Variants in PCDH15 observed in about 807,000 individuals in gnomAD.
PCDH15 encodes protocadherin-15.
PCDH15 carries 129 observed loss-of-function variants against 178.5 expected under a neutral mutation model. The observed-to-expected ratio is 0.72, with a 90% confidence interval of 0.63 to 0.84. The LOEUF (loss-of-function observed/expected upper bound fraction) is 0.84, where lower values mean the gene tolerates loss of function less well. Among genes scored for constraint, PCDH15 ranks in the 40% least tolerant of loss-of-function variants. The pLI is 0.00. For missense variants in PCDH15, 2,230 were observed against 2,099.9 expected (o/e 1.06, Z -1.21); for synonymous variants, 800 against 732.0 (o/e 1.09, Z -1.50).
intron 2 of PCDH15, among the ~76,000 whole-genome samples, chr10:55,064,712 A>G (rs1055216995): frequency 1.3e-5 from 2 of 152,110 alleles, no homozygotes; most frequent in Admixed American, 6.6e-5. Flanking sequence ...AGCATAATGT[A>G]GTTACGAGTT....
chr10:54,318,204 G>A (rs539510033), intron 7 of PCDH15, among the ~76,000 whole-genome samples: 3 of 152,278 alleles, frequency 2.0e-5, no homozygotes, highest in East Asian at 3.9e-4. Context: ...AGTTTCTGTG[G>A]GAGGTTAGGA....
At chr10:54,477,003 A>G (rs571053471) in intron 3 of PCDH15, among the ~76,000 whole-genome samples, 1 of 152,060 alleles carries the variant, frequency 6.6e-6, no homozygotes, top group South Asian at 2.1e-4. Flanking sequence ...CCTCCAGCCT[A>G]TCTTGTTTAA....
chr10:55,134,193 C>T (rs568391257), intron 2 of PCDH15, among the ~76,000 whole-genome samples: 1 of 152,064 alleles, frequency 6.6e-6, no homozygotes, highest in Non-Finnish European at 1.5e-5. Flanking sequence ...ATAGGGGGAG[C>T]CTTGCTATTC....
chr10:54,692,557 C>T (rs1269202230), intron 1 of PCDH15, among the ~76,000 whole-genome samples: 3 of 152,190 alleles, frequency 2.0e-5, no homozygotes. Flanking sequence ...CCTGGGACAT[C>T]TCATGCATAG....
chr10:54,768,563 C>G (rs919731937), intron 1 of PCDH15, among the ~76,000 whole-genome samples: 2 of 151,896 alleles, frequency 1.3e-5, no homozygotes, highest in African/African-American at 4.8e-5. Context: ...AAGAAGTAAG[C>G]GAGACTTAAG....
intron 3 of PCDH15, among the ~76,000 whole-genome samples, chr10:54,854,305 A>T (rs1019380181): frequency 4.0e-5 from 6 of 151,728 alleles, no homozygotes; most frequent in Non-Finnish European, 8.8e-5. Flanking sequence ...GAGGGCTGCA[A>T]CTCTTCTTTC....
chr10:54,689,069 C>T (rs955075840), intron 1 of PCDH15, among the ~76,000 whole-genome samples: 6 of 151,952 alleles, frequency 3.9e-5, no homozygotes, highest in African/African-American at 7.2e-5. Context: ...TTCTCAGTAA[C>T]GTTTCCAAAA....
At chr10:54,618,873 C>T (rs773866938) in intron 2 of PCDH15, among the ~76,000 whole-genome samples, 9 of 151,666 alleles carry the variant, frequency 5.9e-5, no homozygotes, top group South Asian at 2.1e-4. Context: ...ATAGAGACAA[C>T]GGCAGCATGT....
At chr10:54,831,157 T>C (rs967509893) in intron 3 of PCDH15, among the ~76,000 whole-genome samples, 2 of 152,042 alleles carry the variant, frequency 1.3e-5, no homozygotes, top group African/African-American at 4.8e-5. Flanking sequence ...TTCCTGAAAA[T>C]AGAGATTTGG....
At chr10:53,834,619 G>T (rs1049327068) in intron 29 of PCDH15, among the ~76,000 whole-genome samples, 2 of 151,908 alleles carry the variant, frequency 1.3e-5, no homozygotes, top group South Asian at 4.2e-4. Flanking sequence ...CCCTTCCCAG[G>T]ATGTAGCCAA....
intron 26 of PCDH15, among the ~76,000 whole-genome samples, chr10:53,901,657 C>T (rs1206687702): frequency 6.6e-6 from 1 of 152,136 alleles, no homozygotes; most frequent in Non-Finnish European, 1.5e-5. Flanking sequence ...CATATTCTAG[C>T]CCCAGGTACA....
chr10:55,114,999 T>C (rs934045990), intron 2 of PCDH15, among the ~76,000 whole-genome samples: 4 of 152,188 alleles, frequency 2.6e-5, no homozygotes, highest in Non-Finnish European at 4.4e-5. Context: ...AATAATGAAA[T>C]AGTTAATGTT....
intron 6 of PCDH15, among the ~76,000 whole-genome samples, chr10:54,339,637 C>A (rs1196305533): frequency 6.6e-6 from 1 of 152,172 alleles, no homozygotes; most frequent in Non-Finnish European, 1.5e-5. Context: ...CCTGGCCAAA[C>A]TTGATCAGGC....
chr10:55,107,290 G>A (rs1837373352), intron 2 of PCDH15, among the ~76,000 whole-genome samples: 1 of 152,106 alleles, frequency 6.6e-6, no homozygotes, highest in South Asian at 2.1e-4. Flanking sequence ...GCAGTCTGCT[G>A]CTGGTTGATT....
At chr10:54,768,665 C>G (rs181943394) in intron 1 of PCDH15, among the ~76,000 whole-genome samples, 1 of 152,132 alleles carries the variant, frequency 6.6e-6, no homozygotes. Flanking sequence ...AGCAAATTCT[C>G]CTTTTGCTTC....
At chr10:55,360,723 T>C (rs1845207191) in intron 2 of PCDH15, among the ~76,000 whole-genome samples, 1 of 152,024 alleles carries the variant, frequency 6.6e-6, no homozygotes, top group Admixed American at 6.6e-5. Context: ...GACTAGATCT[T>C]GTTTACAGCA....
intron 2 of PCDH15, among the ~76,000 whole-genome samples, chr10:54,932,498 G>C (rs577981384): frequency 1.2e-4 from 18 of 152,276 alleles, no homozygotes; most frequent in Admixed American, 7.2e-4. Context: ...ATATGCTAAG[G>C]TTAATTTATT....
At chr10:55,462,152 A>G (rs146248062) in intron 2 of PCDH15, among the ~76,000 whole-genome samples, 2 of 152,292 alleles carry the variant, frequency 1.3e-5, no homozygotes, top group African/African-American at 4.8e-5. Context: ...CATAAAATAT[A>G]TAGTACAGAG....
At chr10:54,038,061 A>G (rs1348363149) in intron 18 of PCDH15, among the ~76,000 whole-genome samples, 1 of 151,988 alleles carries the variant, frequency 6.6e-6, no homozygotes, top group African/African-American at 2.4e-5. Context: ...GGAATAAGAC[A>G]GTGAAAAAGA....
Sources: allele counts gnomAD v4.1 joint callset (sites outside exome capture counted in the v4.1 genomes callset), GRCh38; gene constraint gnomAD v4.1.1; transcripts MANE v1.5; gene names NCBI Gene and HGNC (gene_info 2026-07-23, HGNC 2026-07-21).